The following PSIP1 variants were observed in gnomAD, a reference collection of about 807,000 sequenced individuals.
The protein encoded by PSIP1 is PC4 and SFRS1-interacting protein.
Under a neutral mutation model 74.7 loss-of-function variants are expected in PSIP1, and 19 were observed. That is an observed-to-expected ratio of 0.25 (90% confidence interval 0.18 to 0.37). The LOEUF (loss-of-function observed/expected upper bound fraction) is 0.37, where lower values mean the gene tolerates loss of function less well. Among genes scored for constraint, PSIP1 ranks in the 10% least tolerant of loss-of-function variants. PSIP1 has a pLI of 1.00. For synonymous variants in PSIP1, 222 were observed against 195.3 expected (o/e 1.14, Z -1.14); for missense variants, 601 against 614.3 (o/e 0.98, Z 0.23).
chr9:15,475,430 C>T (rs1243967419), intron 8 of PSIP1, among the ~76,000 whole-genome samples: 1 of 152,100 alleles, frequency 6.6e-6, no homozygotes, highest in Non-Finnish European at 1.5e-5. Context: ...CCAACTACTT[C>T]TCCCAAAATG....
chr9:15,490,131 A>T lies in PSIP1; in HGVS notation c.150-7T>A. On this transcript the variant is annotated splice_region_variant and splice_polypyrimidine_tract_variant and intron_variant, in intron 3 of 15. Transcript: ENST00000380733. ...CTTTGGTCCTAAAAAAGCACTAAAAAAGAAGTGGGGAAGATGTGAGTGCAA... is the reference window on the plus strand; with the variant it reads ...CTTTGGTCCTAAAAAAGCACTAAAATAGAAGTGGGGAAGATGTGAGTGCAA... 1.3e-6 allele frequency: 2 copies of T among 1,574,464 alleles called. No homozygotes were observed. Among genetic ancestry groups the T allele is most frequent in the Non-Finnish European group, 1.7e-6 (2 of 1,165,688 alleles).
At chr9:15,498,543 GT>G (rs1183950259) in intron 3 of PSIP1, among the ~76,000 whole-genome samples, 1 of 152,102 alleles carries the variant, frequency 6.6e-6, no homozygotes, top group African/African-American at 2.4e-5. Flanking sequence ...AGTCCGACAG[GT>G]TTGGTGAACA....
At chr9:15,485,690 A>G (rs1428780530) in intron 6 of PSIP1, among the ~76,000 whole-genome samples, 2 of 152,240 alleles carry the variant, frequency 1.3e-5, no homozygotes, top group African/African-American at 4.8e-5. Flanking sequence ...AACATTTCAC[A>G]TATGTTAAAT....
In PSIP1 at chr9:15,503,657, C is replaced by A. The variant is rs533928823; in HGVS notation, c.149+2904G>T. Among the ~76,000 whole-genome samples, 190 of 149,892 alleles carry A rather than the reference C, an allele frequency of 1.3e-3. 1 individual carries two copies. Among genetic ancestry groups the A allele is most frequent in the African/African-American group, 4.4e-3 (178 of 40,774 alleles). On this transcript the variant is annotated intron_variant, in intron 3 of 15. Transcript: ENST00000380733. ...CCTGGGCCATGGAATGAGACTCTGT[C>A]TCCAAAAAAAAAAAAACTTCAAATA...
At chr9:15,476,733 G>C (rs937582052) in intron 8 of PSIP1, among the ~76,000 whole-genome samples, 1 of 152,120 alleles carries the variant, frequency 6.6e-6, no homozygotes, top group African/African-American at 2.4e-5. Context: ...AACAATAATT[G>C]CATAGGAAGC....
chr9:15,489,780 T>G (rs2036741394), intron 4 of PSIP1, among the ~76,000 whole-genome samples: 1 of 152,130 alleles, frequency 6.6e-6, no homozygotes, highest in African/African-American at 2.4e-5. Flanking sequence ...AGTTCCCAGT[T>G]TCTTGAGATC....
chr9:15,486,127 C>T (rs2036548825), intron 5 of PSIP1, 59 bp from the exon 6 acceptor site: 1 of 1,378,162 alleles, frequency 7.3e-7, no homozygotes, highest in South Asian at 1.3e-5. Flanking sequence ...TGAAAGAAAC[C>T]TTGTTAAACT....
chr9:15,490,833 A>T (rs2036799790), intron 3 of PSIP1, among the ~76,000 whole-genome samples: 1 of 152,160 alleles, frequency 6.6e-6, no homozygotes, highest in Non-Finnish European at 1.5e-5. Flanking sequence ...ACAACTCACA[A>T]AACTATCGTG....
chr9:15,498,277 G>A (rs1330215794), intron 3 of PSIP1, among the ~76,000 whole-genome samples: 6 of 152,074 alleles, frequency 3.9e-5, no homozygotes, highest in African/African-American at 9.7e-5. Flanking sequence ...TTAGCCAGCC[G>A]TGGTGGCGTG....
chr9:15,504,595 G>A (rs1490492036), intron 3 of PSIP1, among the ~76,000 whole-genome samples: 4 of 152,016 alleles, frequency 2.6e-5, no homozygotes, highest in Non-Finnish European at 4.4e-5. Flanking sequence ...AAATTAGCCT[G>A]GCGTGGTGGC....
In PSIP1 at chr9:15,486,063, C is replaced by T. The variant is rs755118239; in HGVS notation, c.399G>A (p.Val133=). 6.2e-7 allele frequency: 1 copy of T among 1,601,992 alleles called. No individual in the cohort carries two copies. Among genetic ancestry groups the T allele is most frequent in the Non-Finnish European group, 8.5e-7 (1 of 1,172,748 alleles). ...GAGTAGTTATGTCAACTGCTTTAGT[C>T]ACATCCTAAAAAAGAAAAAAGAAAA... ...DHEEKASNED[V]TKAVDITTPK... is the part of the protein sequence containing the mutation. The change falls in exon 6 of 16, where the codon GTG becomes GTA. Residue 133 remains valine, a synonymous_variant. Coordinates refer to ENST00000380733, the MANE Select transcript of PSIP1 (RefSeq NM_033222.5).
chr9:15,506,362 G>T, intron 3 of PSIP1, 199 bp downstream of exon 3: 1 of 418,004 alleles, frequency 2.4e-6, no homozygotes, highest in Non-Finnish European at 4.3e-6. Flanking sequence ...TTTGGTTAAG[G>T]AAATATCAAT....
Position 15,469,299 on chromosome 9 carries a change from A to G in PSIP1, c.1071T>C (p.Ala357=), listed in dbSNP as rs1353135701. ...CAATTTTGAGTGAATTTTTAATCTC[A>G]GCATGTATCCTTTGAAGTCGAGAAT... The part of the protein sequence containing the change: ...SMDSRLQRIH[A]EIKNSLKIDN... The change falls in exon 12 of 16, where the codon GCT becomes GCC. Residue 357 remains alanine, a synonymous_variant. Coordinates refer to ENST00000380733, the MANE Select transcript of PSIP1 (RefSeq NM_033222.5). 6 of 1,572,254 alleles carry G rather than the reference A, an allele frequency of 3.8e-6. No homozygotes were observed. Among genetic ancestry groups the G allele is most frequent in the Non-Finnish European group, 5.2e-6 (6 of 1,155,228 alleles).
At position 15,480,742 on chromosome 9, in the gene PSIP1, T is replaced by A. The variant is rs1026422527; in HGVS notation, c.457-1055A>T. Among the ~76,000 whole-genome samples the A allele has an allele frequency of 2.6e-5, 4 of 152,176 alleles. No individual in the cohort carries two copies. In the South Asian group the frequency reaches 8.3e-4, roughly 31 times the overall value. ...TTCATGACCAGCCTGGCCAACACGA[T>A]GAAACCCTTTCTCTACTAAAAACAA... On this transcript the variant is annotated intron_variant, in intron 6 of 15. Coordinates refer to ENST00000380733, the MANE Select transcript of PSIP1 (RefSeq NM_033222.5).
At chr9:15,490,160 A>C (rs1458385211) in intron 3 of PSIP1, 36 bp from the exon 4 acceptor site, 1 of 1,527,768 alleles carries the variant, frequency 6.5e-7, no homozygotes, top group East Asian at 2.3e-5. Context: ...AGTGCAAAGC[A>C]AGCTCAAATA....
intron 3 of PSIP1, among the ~76,000 whole-genome samples, chr9:15,502,143 A>C (rs2037378404): frequency 6.6e-6 from 1 of 152,020 alleles, no homozygotes; most frequent in Non-Finnish European, 1.5e-5. Context: ...TTCATCCCAA[A>C]ACCATCCCCC....
chr9:15,505,590 T>C (rs560414000), intron 3 of PSIP1: 16 of 152,312 alleles, frequency 1.1e-4, no homozygotes, highest in African/African-American at 3.6e-4. Flanking sequence ...ATACAGACAG[T>C]AGACTAGTGG....
intron 9 of PSIP1, 82 bp downstream of exon 9, chr9:15,473,927 C>CA (rs768554289): frequency 0.024 from 11,853 of 500,004 alleles, 36 homozygotes; most frequent in South Asian, 0.05. Flanking sequence ...AAAAAAAAAA[C>CA]AAAAAAAAAA....
intron 6 of PSIP1, among the ~76,000 whole-genome samples, chr9:15,483,533 CA>C (rs1312987783): frequency 1.3e-5 from 2 of 152,170 alleles, no homozygotes; most frequent in Non-Finnish European, 2.9e-5. Context: ...ATTAACTCCC[CA>C]TTTAAACCCT....
Sources: gnomAD v4.1 joint callset for allele counts (sites outside exome capture counted in the v4.1 genomes callset) on GRCh38, gnomAD v4.1.1 for gene constraint, MANE v1.5 for transcripts, NCBI Gene and HGNC (gene_info 2026-07-23, HGNC 2026-07-21) for gene names.